The following NBEA variants were observed in gnomAD, a reference collection of about 807,000 sequenced individuals.
The protein encoded by NBEA is neurobeachin.
NBEA carries 44 observed loss-of-function variants against 343.4 expected under a neutral mutation model. The ratio of observed to expected loss-of-function variants is 0.13; its 90% CI spans 0.10 to 0.16. NBEA has a LOEUF of 0.16. Among genes scored for constraint, NBEA ranks in the 10% least tolerant of loss-of-function variants. NBEA has a pLI of 1.00. For missense variants in NBEA, 2,555 were observed against 3,631.3 expected (o/e 0.70, Z 7.62); for synonymous variants, 1,175 against 1,238.7 (o/e 0.95, Z 1.08).
At chr13:35,404,107 G>A (rs1336676391) in intron 38 of NBEA, among the ~76,000 whole-genome samples, 2 of 152,116 alleles carry the variant, frequency 1.3e-5, no homozygotes, top group African/African-American at 2.4e-5. Context: ...GAAACAACAG[G>A]TGCTGGAGAG....
chr13:34,979,160 T>C (rs2060273881), intron 1 of NBEA, among the ~76,000 whole-genome samples: 1 of 152,160 alleles, frequency 6.6e-6, no homozygotes, highest in South Asian at 2.1e-4. Context: ...GATACCCCAC[T>C]GTGGTTTTAA....
At chr13:35,579,578 G>C (rs758873812) in intron 45 of NBEA, among the ~76,000 whole-genome samples, 31 of 152,028 alleles carry the variant, frequency 2.0e-4, no homozygotes, top group Non-Finnish European at 4.1e-4. Context: ...ATACATACCA[G>C]AATGTTTCAA....
chr13:35,272,111 G>A (rs879687362), intron 34 of NBEA, among the ~76,000 whole-genome samples: 4 of 152,166 alleles, frequency 2.6e-5, no homozygotes, highest in Non-Finnish European at 5.9e-5. Flanking sequence ...AGAGAGAAAG[G>A]TTGGGTTACC....
intron 55 of NBEA, among the ~76,000 whole-genome samples, chr13:35,662,042 G>T (rs894949327): frequency 1.2e-4 from 19 of 152,070 alleles, no homozygotes; most frequent in African/African-American, 4.3e-4. Context: ...CTTTACTTTG[G>T]CCATTTCTCT....
intron 28 of NBEA, chr13:35,179,736 A>G: frequency 1.0e-6 from 1 of 981,188 alleles, no homozygotes; most frequent in Non-Finnish European, 1.2e-6. Context: ...AGTGTTAGAA[A>G]TAGAAGTATT....
intron 11 of NBEA, among the ~76,000 whole-genome samples, chr13:35,103,556 C>T (rs2065761085): frequency 6.6e-6 from 1 of 151,714 alleles, no homozygotes; most frequent in Non-Finnish European, 1.5e-5. Context: ...TTGAGATTAT[C>T]CACTTCTACA....
At chr13:35,268,797 C>A (rs1246921946) in intron 34 of NBEA, among the ~76,000 whole-genome samples, 2 of 151,958 alleles carry the variant, frequency 1.3e-5, no homozygotes, top group Admixed American at 1.3e-4. Context: ...TTTAAAAAAT[C>A]TGTCAGAAGA....
At chr13:35,417,504 A>G (rs2043992723) in intron 38 of NBEA, among the ~76,000 whole-genome samples, 1 of 152,168 alleles carries the variant, frequency 6.6e-6, no homozygotes, top group African/African-American at 2.4e-5. Flanking sequence ...CCCAGTAGTC[A>G]TTCAGGAGCA....
chr13:35,448,909 T>C (rs576709816), intron 39 of NBEA, among the ~76,000 whole-genome samples: 6 of 152,186 alleles, frequency 3.9e-5, no homozygotes, highest in East Asian at 1.9e-4. Context: ...ATGTGTAAGC[T>C]GTTAACGTGC....
At chr13:35,432,115 T>A (rs1160732316) in intron 38 of NBEA, among the ~76,000 whole-genome samples, 154 bp from the exon 39 acceptor site, 2 of 152,062 alleles carry the variant, frequency 1.3e-5, no homozygotes, top group Non-Finnish European at 2.9e-5. Context: ...TATATGTATA[T>A]ATATACACAA....
At chr13:35,527,749 G>A (rs2078051666) in intron 41 of NBEA, among the ~76,000 whole-genome samples, 3 of 152,208 alleles carry the variant, frequency 2.0e-5, no homozygotes, top group Admixed American at 2.0e-4. Flanking sequence ...GAGAACATAG[G>A]GATGCCCAGG....
chr13:35,424,554 T>G (rs1367979147), intron 38 of NBEA, among the ~76,000 whole-genome samples: 2 of 152,178 alleles, frequency 1.3e-5, no homozygotes, highest in Non-Finnish European at 2.9e-5. Flanking sequence ...GGTTTGCCAG[T>G]ATTTTATTGA....
At chr13:35,084,236 T>G (rs1187594486) in intron 10 of NBEA, among the ~76,000 whole-genome samples, 1 of 152,124 alleles carries the variant, frequency 6.6e-6, no homozygotes, top group Non-Finnish European at 1.5e-5. Flanking sequence ...CTAATAGACA[T>G]CTACAGAACT....
At chr13:35,497,616 C>T (rs1392035438) in intron 41 of NBEA, among the ~76,000 whole-genome samples, 2 of 151,986 alleles carry the variant, frequency 1.3e-5, no homozygotes, top group Admixed American at 6.6e-5. Flanking sequence ...ATCTTTCAGT[C>T]TTTTCTCTGT....
intron 1 of NBEA, among the ~76,000 whole-genome samples, chr13:34,962,874 T>C (rs1395654812): frequency 6.6e-6 from 1 of 152,040 alleles, no homozygotes; most frequent in Admixed American, 6.6e-5. Flanking sequence ...ATTGCTACTT[T>C]GTATATTAAC....
At chr13:35,140,362 A>T (rs1040012112) in intron 17 of NBEA, among the ~76,000 whole-genome samples, 3 of 152,162 alleles carry the variant, frequency 2.0e-5, no homozygotes, top group African/African-American at 2.4e-5. Flanking sequence ...TGTAGCAGAG[A>T]TCTATTTCAA....
chr13:34,961,623 G>A (rs536276480), intron 1 of NBEA, among the ~76,000 whole-genome samples: 17 of 151,960 alleles, frequency 1.1e-4, no homozygotes, highest in African/African-American at 3.1e-4. Flanking sequence ...TAGGCACTTC[G>A]GATACAATGA....
chr13:35,183,945 C>A, intron 29 of NBEA, 31 bp from the exon 30 acceptor site: 1 of 1,553,676 alleles, frequency 6.4e-7, no homozygotes, highest in Non-Finnish European at 8.8e-7. Context: ...TACATGCTGG[C>A]TCAAATTTGA....
At chr13:35,086,969 C>T (rs555873712) in intron 10 of NBEA, among the ~76,000 whole-genome samples, 1 of 151,894 alleles carries the variant, frequency 6.6e-6, no homozygotes, top group East Asian at 1.9e-4. Flanking sequence ...ATGTTCACGT[C>T]CTTAGCCCAC....
Sources: gnomAD v4.1 joint callset for allele counts (sites outside exome capture counted in the v4.1 genomes callset) on GRCh38, gnomAD v4.1.1 for gene constraint, MANE v1.5 for transcripts, NCBI Gene and HGNC (gene_info 2026-07-23, HGNC 2026-07-21) for gene names.